KIAA1671: variants seen among roughly 807,000 people sequenced by gnomAD.
The protein encoded by KIAA1671 is uncharacterized protein KIAA1671.
In KIAA1671, 52 loss-of-function variants were observed where a neutral mutation model predicts 131.2. That is an observed-to-expected ratio of 0.40 (90% CI 0.32 to 0.50). The LOEUF (loss-of-function observed/expected upper bound fraction) is 0.50. Among genes scored for constraint, KIAA1671 ranks in the 20% least tolerant of loss-of-function variants. The pLI is 0.73. For synonymous variants in KIAA1671, 1,003 were observed against 961.6 expected, an observed-to-expected ratio of 1.04 and a Z score of -0.80; for missense variants, 2,360 against 2,364.2, an observed-to-expected ratio of 1.00 and a Z score of 0.04.
chr22:25,017,023 G>A (rs1925365051), intron 1 of KIAA1671, among the ~76,000 whole-genome samples: 1 of 152,178 alleles, frequency 6.6e-6, no homozygotes, highest in Non-Finnish European at 1.5e-5. Context: ...AATTAAGGGG[G>A]TGGTTTATGC....
intron 6 of KIAA1671, among the ~76,000 whole-genome samples, chr22:25,113,950 G>C (rs1374353882): frequency 6.6e-6 from 1 of 152,168 alleles, no homozygotes; most frequent in Non-Finnish European, 1.5e-5. Context: ...TGGGGTTGGT[G>C]ACAGGCAGGC....
In KIAA1671 at chr22:25,040,595, C is replaced by T; in HGVS notation, c.3465C>T (p.Pro1155=). Reference sequence around the variant, plus strand: ...AGGAAAGTGCGAACAAGATGTCCCCCAGCGGCGGAGCTCCCCAAACCACCC... The same window carrying T: ...AGGAAAGTGCGAACAAGATGTCCCCTAGCGGCGGAGCTCCCCAAACCACCC... ...NWKESANKMS[P]SGGAPQTTPT... is the part of the protein sequence containing the mutation. The change falls in exon 5 of 13, where the codon CCC becomes CCT. Residue 1155 remains proline (P), a synonymous_variant. Coordinates refer to ENST00000358431, the MANE Select transcript of KIAA1671 (RefSeq NM_001145206.2). 6.4e-7 allele frequency: 1 copy of T among 1,551,796 alleles called. No individual in the cohort carries two copies. Among genetic ancestry groups the T allele is most frequent in the Non-Finnish European group, 8.7e-7 (1 of 1,147,038 alleles).
At chr22:25,102,356 C>T (rs1930730211) in intron 6 of KIAA1671, 1 of 150,438 alleles carries the variant, frequency 6.6e-6, no homozygotes, top group Non-Finnish European at 1.5e-5. Flanking sequence ...TTCTGACTGT[C>T]TAGGGTCCTG....
At chr22:25,072,118 T>C (rs1262757074) in intron 6 of KIAA1671, among the ~76,000 whole-genome samples, 1 of 152,066 alleles carries the variant, frequency 6.6e-6, no homozygotes, top group Non-Finnish European at 1.5e-5. Flanking sequence ...TGCAAAGGGC[T>C]GGGGTGGATG....
At chr22:25,003,073 T>A (rs550764814) in intron 1 of KIAA1671, among the ~76,000 whole-genome samples, 1 of 152,064 alleles carries the variant, frequency 6.6e-6, no homozygotes, top group Non-Finnish European at 1.5e-5. Context: ...GCCCCTGGCC[T>A]CTTTGGCATT....
chr22:25,011,475 TG>T (rs2123877003), intron 1 of KIAA1671: 1 of 151,672 alleles, frequency 6.6e-6, no homozygotes, highest in East Asian at 2.0e-4. Flanking sequence ...TTAGCAGAGA[TG>T]GGGTTTCACC....
Position 25,011,638 on chromosome 22 carries a change from T to TC in KIAA1671, c.-207-13995_-207-13994insC, listed in dbSNP as rs201709149. The TC allele has an allele frequency of 4.1e-3, 377 of 92,726 alleles. 2 individuals are homozygous for TC. Among genetic ancestry groups the TC allele is most frequent in the East Asian group, 0.018 (90 of 4,888 alleles). 5.7% of individuals were successfully genotyped at this position (92,726 alleles called of 1,614,324 possible). A position where few individuals can be genotyped will look rare whatever the true frequency, so the allele number is the denominator to read the frequency against. On this transcript the variant is annotated intron_variant, in intron 1 of 12. Transcript: ENST00000358431. Reference sequence around the variant, plus strand: ...TTTCTTTCTTTCTTTTCTTTTCTTTTTTTTTTTTTTTTTTTTGGAGTTGGA... The same window carrying TC: ...TTTCTTTCTTTCTTTTCTTTTCTTTTCTTTTTTTTTTTTTTTTGGAGTTGGA...
At chr22:25,104,508 C>T (rs911947545) in intron 6 of KIAA1671, among the ~76,000 whole-genome samples, 4 of 152,186 alleles carry the variant, frequency 2.6e-5, no homozygotes, top group East Asian at 1.9e-4. Flanking sequence ...TGAACGTGCC[C>T]CGACTTCCTG....
chr22:25,011,165 C>G (rs562926881), intron 1 of KIAA1671: 1 of 147,466 alleles, frequency 6.8e-6, no homozygotes, highest in Non-Finnish European at 1.5e-5. Context: ...TTTTTTGAGA[C>G]GAAGTCTCAC....
At chr22:25,032,766 C>T in intron 4 of KIAA1671, 70 bp downstream of exon 4, 2 of 923,482 alleles carry the variant, frequency 2.2e-6, no homozygotes, top group Non-Finnish European at 1.7e-6. Flanking sequence ...GAAAGAGCCT[C>T]CATGATCTTC....
In KIAA1671 at chr22:25,192,626, A is replaced by C. The variant is rs558862797; in HGVS notation, c.*225A>C. ...GCACTCGCTCATCTCCCCAGACAGC[A>C]CTTCAGGCTGGGAAAGGAGCCAGGC... On this transcript the variant is annotated 3_prime_UTR_variant, in exon 13 of 13. Transcript: ENST00000358431. The C allele has an allele frequency of 1.2e-3, 182 of 152,382 alleles. No individual in the cohort carries two copies. The highest frequency in any genetic ancestry group is 4.1e-3 in the African/African-American group (171 of 41,586). The allele number at this position is 152,382 out of a possible 1,614,324, so 9.4% of individuals were successfully genotyped here.
At chr22:25,118,003 T>G (rs1931762182) in intron 6 of KIAA1671, among the ~76,000 whole-genome samples, 1 of 151,874 alleles carries the variant, frequency 6.6e-6, no homozygotes, top group East Asian at 1.9e-4. Context: ...CCCAGTGTGG[T>G]GACGCATGCC....
At position 25,040,541 on chromosome 22, in the gene KIAA1671, A is replaced by G. The variant is rs1602090407; in HGVS notation, c.3411A>G (p.Glu1137=). 17 of 1,551,860 alleles carry G rather than the reference A, an allele frequency of 1.1e-5. No individual in the cohort carries two copies. The East Asian group carries it at 4.2e-4, about 38-fold the overall frequency. The change falls in exon 5 of 13, where the codon GAA becomes GAG. Residue 1137 remains glutamate (E), a synonymous_variant. Coordinates refer to ENST00000358431, the MANE Select transcript of KIAA1671 (RefSeq NM_001145206.2). The stretch of plus-strand genomic sequence containing the variant: ...CCTTATGGAGTCATCGGGGATCAGA[A>G]GATGGCCCTCGTCCTCAAAGCAATT... The part of the protein sequence containing the change: ...VDALWSHRGS[E]DGPRPQSNWK...
At chr22:25,078,677 G>T (rs1308587529) in intron 6 of KIAA1671, among the ~76,000 whole-genome samples, 1 of 152,224 alleles carries the variant, frequency 6.6e-6, no homozygotes, top group African/African-American at 2.4e-5. Flanking sequence ...ACCAGCTTCT[G>T]AATCTCAGAT....
At chr22:25,099,776 G>T (rs1009888932) in intron 6 of KIAA1671, among the ~76,000 whole-genome samples, 1 of 152,074 alleles carries the variant, frequency 6.6e-6, no homozygotes, top group Admixed American at 6.5e-5. Context: ...GCCTCCCGAG[G>T]TACTGGTATT....
intron 6 of KIAA1671, among the ~76,000 whole-genome samples, chr22:25,151,648 C>G (rs1256459199): frequency 5.3e-5 from 8 of 152,000 alleles, no homozygotes; most frequent in Admixed American, 5.2e-4. Flanking sequence ...CCAGGCTACT[C>G]TCCAACTCCT....
At chr22:25,186,458 T>A (rs1207900391) in intron 11 of KIAA1671, 1 of 152,160 alleles carries the variant, frequency 6.6e-6, no homozygotes, top group African/African-American at 2.4e-5. Flanking sequence ...GAAAAAAAAT[T>A]AGCTGGCTGT....
intron 1 of KIAA1671, among the ~76,000 whole-genome samples, chr22:24,959,860 G>A (rs1053700601): frequency 1.3e-5 from 2 of 152,000 alleles, no homozygotes; most frequent in African/African-American, 4.8e-5. Context: ...AAATACGGCC[G>A]GGCGCGGTGG....
At chr22:25,051,822 A>ATGATTCCCATCACTGCTT (rs1927548861) in intron 6 of KIAA1671, 1 of 152,234 alleles carries the variant, frequency 6.6e-6, no homozygotes, top group Non-Finnish European at 1.5e-5. Context: ...TGTGTCTGCT[A>ATGATTCCCATCACTGCTT]TGATTCCCAT....
Sources: gnomAD v4.1 joint callset for allele counts (sites outside exome capture counted in the v4.1 genomes callset) on GRCh38, gnomAD v4.1.1 for gene constraint, MANE v1.5 for transcripts, NCBI Gene and HGNC (gene_info 2026-07-23, HGNC 2026-07-21) for gene names.